The following USH2A variants were observed in gnomAD, a reference collection of about 807,000 sequenced individuals.
USH2A encodes usherin, also known as Usher syndrome 2A (autosomal recessive, mild).
A neutral mutation model predicts 538.9 loss-of-function variants in USH2A; 443 were observed. The observed-to-expected ratio is 0.82, with a 90% confidence interval of 0.76 to 0.89. USH2A has a LOEUF of 0.89. USH2A is among the 40% of genes least tolerant of loss of function. The probability of loss-of-function intolerance (pLI) is 0.00; values close to 1 mark genes in which losing one functional copy is unlikely to be tolerated. For missense variants in USH2A, 6,633 were observed against 6,324.8 expected (o/e 1.05, Z -1.65); for synonymous variants, 2,413 against 2,273.5 (o/e 1.06, Z -1.75).
rs568395990 is a variant in USH2A at position 216,014,337 on chromosome 1, G to A, written c.6326-13775C>T. On this transcript the variant is annotated intron_variant, in intron 32 of 71. Coordinates refer to ENST00000307340, the MANE Select transcript of USH2A (RefSeq NM_206933.4). ...AAAAAAAGATTGGTTACAGGGAAGTGAGGCTGATAAATTCTTTGAGAGTGA... is the reference window on the plus strand; with the variant it reads ...AAAAAAAGATTGGTTACAGGGAAGTAAGGCTGATAAATTCTTTGAGAGTGA... Among the ~76,000 whole-genome samples the A allele has an allele frequency of 3.4e-4, 52 of 152,246 alleles. No individual in the cohort carries two copies. In the South Asian group the frequency reaches 0.011, roughly 31 times the overall value.
At chr1:216,306,071 G>A (rs540505333) in intron 9 of USH2A, among the ~76,000 whole-genome samples, 9 of 152,154 alleles carry the variant, frequency 5.9e-5, no homozygotes, top group African/African-American at 2.2e-4. Context: ...AGCAAGGTTG[G>A]GGACGTTTTC....
chr1:215,974,429 GT>G (rs1312952327), intron 35 of USH2A, among the ~76,000 whole-genome samples: 1 of 152,058 alleles, frequency 6.6e-6, no homozygotes, highest in African/African-American at 2.4e-5. Context: ...GGTTTGGGAT[GT>G]GAATGATCCC....
intron 10 of USH2A, among the ~76,000 whole-genome samples, chr1:216,290,017 T>A (rs1159656179): frequency 6.6e-6 from 1 of 152,084 alleles, no homozygotes; most frequent in Non-Finnish European, 1.5e-5. Context: ...GCCTGACATA[T>A]TAGATATATC....
chr1:216,376,409 GA>G (rs933539856), intron 3 of USH2A, among the ~76,000 whole-genome samples: 2 of 151,688 alleles, frequency 1.3e-5, no homozygotes, highest in South Asian at 2.1e-4. Context: ...TGGGAAAACA[GA>G]AAAAAACAAG....
Position 216,147,357 on chromosome 1 carries a change from C to G in USH2A, c.4627+27895G>C, listed in dbSNP as rs374712099. ...TTTCGTTCCGTGACTAGCCCTCCCC[C>G]ACCTGCCCAGCAATTTACTCTTAAA... is the stretch of plus-strand genomic sequence containing the variant. On this transcript the variant is annotated intron_variant, in intron 21 of 71. Transcript: ENST00000307340. 1.1e-4 allele frequency among the ~76,000 whole-genome samples: 16 copies of G among 152,264 alleles called. 1 individual carries two copies. The highest frequency in any genetic ancestry group is 3.9e-4 in the East Asian group (2 of 5,172).
chr1:215,800,831 A>C (rs1002707913), intron 49 of USH2A, among the ~76,000 whole-genome samples: 1 of 152,126 alleles, frequency 6.6e-6, no homozygotes, highest in Non-Finnish European at 1.5e-5. Flanking sequence ...AAACCACAAG[A>C]AAAAAGTTAA....
Position 215,888,461 on chromosome 1 carries a change from G to C in USH2A, c.8188C>G (p.Pro2730Ala). 2 of 1,613,750 alleles carry C rather than the reference G, an allele frequency of 1.2e-6. No homozygotes were observed. The highest frequency in any genetic ancestry group is 4.5e-5 in the East Asian group (2 of 44,880). Residue 2730 changes from proline to alanine, a missense_variant, in exon 41 of 72, where the codon CCT (proline) becomes GCT (alanine). Transcript: ENST00000307340. ...RPSRPAGVQP[P>A]VVTVLEPDAV... ...TCGGGTTCCAGCACTGTCACCACAG[G>C]TGGCTGCACCCCAGCAGGTCGTGAG... is the stretch of plus-strand genomic sequence containing the variant.
chr1:215,979,107 A>G (rs1387635184), intron 35 of USH2A, among the ~76,000 whole-genome samples: 2 of 152,156 alleles, frequency 1.3e-5, no homozygotes, highest in Admixed American at 6.5e-5. Flanking sequence ...GTGGAGGAGG[A>G]GCAAAGGGAT....
intron 3 of USH2A, among the ~76,000 whole-genome samples, chr1:216,399,982 C>T (rs116466308): frequency 0.034 from 5,239 of 152,056 alleles, 124 homozygotes; most frequent in Middle Eastern, 0.078. Context: ...TCTCATACTA[C>T]GATACCCAAA....
At chr1:216,308,055 C>T (rs1232165714) in intron 9 of USH2A, among the ~76,000 whole-genome samples, 2 of 152,180 alleles carry the variant, frequency 1.3e-5, no homozygotes, top group African/African-American at 2.4e-5. Context: ...TCACATGCTG[C>T]TCTGTCTGTC....
At chr1:215,917,332 A>T (rs1042909988) in intron 38 of USH2A, among the ~76,000 whole-genome samples, 22 of 152,248 alleles carry the variant, frequency 1.4e-4, no homozygotes, top group African/African-American at 5.3e-4. Context: ...TCTAGGCAGC[A>T]TAGATTAAAT....
At chr1:216,103,492 T>C (rs1415296966) in intron 21 of USH2A, among the ~76,000 whole-genome samples, 2 of 152,200 alleles carry the variant, frequency 1.3e-5, no homozygotes, top group African/African-American at 2.4e-5. Flanking sequence ...TACAAAGCTA[T>C]TGTAAGAACA....
At chr1:216,309,136 A>G (rs898849369) in intron 9 of USH2A, among the ~76,000 whole-genome samples, 2 of 152,228 alleles carry the variant, frequency 1.3e-5, no homozygotes, top group Non-Finnish European at 2.9e-5. Context: ...TGCCAACCTT[A>G]TAAAACTGGT....
At chr1:215,670,538 T>A (rs1657781116) in intron 64 of USH2A, among the ~76,000 whole-genome samples, 1 of 152,206 alleles carries the variant, frequency 6.6e-6, no homozygotes, top group African/African-American at 2.4e-5. Flanking sequence ...GTTGTATTCC[T>A]CTAGACTTTT....
chr1:215,787,954 G>A (rs115492640), intron 51 of USH2A, among the ~76,000 whole-genome samples: 1 of 152,084 alleles, frequency 6.6e-6, no homozygotes, highest in Non-Finnish European at 1.5e-5. Context: ...TGAGGGAGGA[G>A]AATCGCTTGA....
chr1:216,097,343 C>T, intron 21 of USH2A, 130 bp from the exon 22 acceptor site: 9 of 1,506,126 alleles, frequency 6.0e-6, no homozygotes, highest in South Asian at 2.4e-5. Flanking sequence ...CAGCAATATA[C>T]TCGCATGGTC....
intron 13 of USH2A, among the ~76,000 whole-genome samples, chr1:216,245,329 C>A (rs946943882): frequency 6.6e-6 from 1 of 152,038 alleles, no homozygotes; most frequent in Non-Finnish European, 1.5e-5. Flanking sequence ...TGAGTCAATT[C>A]GAATTTTCCT....
intron 19 of USH2A, among the ~76,000 whole-genome samples, chr1:216,192,130 G>A (rs1485083823): frequency 6.6e-6 from 1 of 151,908 alleles, no homozygotes; most frequent in Non-Finnish European, 1.5e-5. Context: ...ACAGCAGCTT[G>A]ATCCCCCACA....
At chr1:216,243,263 A>G (rs2035970909) in intron 13 of USH2A, among the ~76,000 whole-genome samples, 1 of 152,194 alleles carries the variant, frequency 6.6e-6, no homozygotes, top group African/African-American at 2.4e-5. Context: ...AGAGGCCTTC[A>G]TTAACTTTGG....
Sources: allele counts gnomAD v4.1 joint callset (sites outside exome capture counted in the v4.1 genomes callset), GRCh38; gene constraint gnomAD v4.1.1; transcripts MANE v1.5; gene names NCBI Gene and HGNC (gene_info 2026-07-23, HGNC 2026-07-21).